The following SLC35A1 variants were observed in gnomAD, a reference collection of about 807,000 sequenced individuals.
SLC35A1 encodes the protein CMP-sialic acid transporter.
SLC35A1 carries 21 observed loss-of-function variants against 40.3 expected under a neutral mutation model. The observed-to-expected ratio is 0.52, with a 90% confidence interval of 0.37 to 0.75. SLC35A1 has a LOEUF of 0.75. Ranked by LOEUF, SLC35A1 falls within the 30% of genes least tolerant of loss-of-function variation. SLC35A1 has a pLI of 0.00. For missense variants in SLC35A1, 297 were observed against 382.1 expected, an observed-to-expected ratio of 0.78 and a Z score of 1.86; for synonymous variants, 146 against 147.3, an observed-to-expected ratio of 0.99 and a Z score of 0.06.
chr6:87,496,164 CAG>C (rs1344268964), intron 2 of SLC35A1: 1 of 152,080 alleles, frequency 6.6e-6, no homozygotes, highest in African/African-American at 2.4e-5. Context: ...TTTGACCAAA[CAG>C]AGGTCAGAAA....
chr6:87,502,605 T>A (rs191945446), intron 4 of SLC35A1, among the ~76,000 whole-genome samples: 1 of 152,216 alleles, frequency 6.6e-6, no homozygotes, highest in East Asian at 1.9e-4. Context: ...TACCTAAACA[T>A]AGAAAAGGCA....
At chr6:87,480,965 C>T (rs180794181) in intron 2 of SLC35A1, among the ~76,000 whole-genome samples, 15 of 152,220 alleles carry the variant, frequency 9.9e-5, no homozygotes, top group African/African-American at 2.9e-4. Flanking sequence ...TTCCTTCTTT[C>T]TACCCTTTGA....
At chr6:87,508,618 G>A (rs202091733) in intron 6 of SLC35A1, 22 bp downstream of exon 6, 229 of 1,586,876 alleles carry the variant, frequency 1.4e-4, no homozygotes, top group Non-Finnish European at 1.8e-4. Flanking sequence ...GGAATTAAAG[G>A]TTCTTAGTAG....
intron 2 of SLC35A1, among the ~76,000 whole-genome samples, chr6:87,495,423 A>G (rs1399733706): frequency 6.6e-6 from 1 of 152,220 alleles, no homozygotes; most frequent in Non-Finnish European, 1.5e-5. Context: ...AAATTATTCT[A>G]CTGTTTCATA....
chr6:87,501,180 C>T lies in SLC35A1; in HGVS notation c.377C>T (p.Pro126Leu), dbSNP rs746723708. 56 of 1,613,454 alleles carry T rather than the reference C, an allele frequency of 3.5e-5. No homozygotes were observed. The highest frequency in any genetic ancestry group is 4.5e-5 in the Non-Finnish European group (53 of 1,179,786). ...TAGGTGACCTACCAGTTGAAGATTC[C>T]GTGTACTGCTTTATGCACTGTTTTA... ...VYQVTYQLKI[P>L]CTALCTVLML... Residue 126 changes from proline (P) to leucine (L), a missense_variant, in exon 4 of 8, where the codon CCG (proline) becomes CTG (leucine). Transcript: ENST00000369552.
Position 87,511,669 on chromosome 6 carries a change from C to A in SLC35A1, c.*143C>A. The A allele has an allele frequency of 1.1e-6, 1 of 896,674 alleles. No homozygotes were observed. The highest frequency in any genetic ancestry group is 1.8e-6 in the Non-Finnish European group (1 of 542,420). The allele number at this position is 896,674 out of a possible 1,614,324, so 55.5% of individuals were successfully genotyped here. On this transcript the variant is annotated 3_prime_UTR_variant, in exon 8 of 8. Coordinates refer to ENST00000369552, the MANE Select transcript of SLC35A1 (RefSeq NM_006416.5). The stretch of plus-strand genomic sequence containing the variant: ...GCGGTTATGTGGAAACAACAACAAA[C>A]AAACGAAGCTATCTGAGTGAACTGC...
In SLC35A1 at chr6:87,509,034, A is replaced by G. The variant is rs896891254; in HGVS notation, c.752-7A>G. ...GTGATAAGATTTTATTTCTCTCTGTATACAAGTTCTTGCAAGTGTTGGTGG... is the reference window on the plus strand; with the variant it reads ...GTGATAAGATTTTATTTCTCTCTGTGTACAAGTTCTTGCAAGTGTTGGTGG... On this transcript the variant is annotated splice_polypyrimidine_tract_variant and splice_region_variant and intron_variant, in intron 6 of 7. Transcript: ENST00000369552. 8.7e-6 allele frequency: 14 copies of G among 1,613,888 alleles called. No homozygotes were observed. The Admixed American group carries it at 1.8e-4, about 21-fold the overall frequency.
intron 2 of SLC35A1, among the ~76,000 whole-genome samples, chr6:87,493,262 G>A (rs932369332): frequency 2.6e-5 from 4 of 152,030 alleles, no homozygotes; most frequent in Middle Eastern, 3.2e-3. Flanking sequence ...GGCTTTTCTT[G>A]TACTTTCCCT....
intron 2 of SLC35A1, among the ~76,000 whole-genome samples, chr6:87,491,795 G>C (rs1769559241): frequency 6.6e-6 from 1 of 152,166 alleles, no homozygotes; most frequent in Non-Finnish European, 1.5e-5. Flanking sequence ...ATCTTCATGT[G>C]ATGGAGAGAG....
chr6:87,490,093 G>A (rs1490811226), intron 2 of SLC35A1, among the ~76,000 whole-genome samples: 3 of 151,720 alleles, frequency 2.0e-5, no homozygotes, highest in African/African-American at 7.3e-5. Context: ...GCTGGGTGTG[G>A]TGGTGTGCAC....
At position 87,511,569 on chromosome 6, in the gene SLC35A1, C is replaced by T; in HGVS notation, c.*43C>T. On this transcript the variant is annotated 3_prime_UTR_variant, in exon 8 of 8. Coordinates refer to ENST00000369552, the MANE Select transcript of SLC35A1 (RefSeq NM_006416.5). Reference sequence around the variant, plus strand: ...ACTCCTTTTAAGACTAAACCATTTGCATTAAACTAGAGCCTTAAGTCAATC... The same window carrying T: ...ACTCCTTTTAAGACTAAACCATTTGTATTAAACTAGAGCCTTAAGTCAATC... 6.2e-7 allele frequency: 1 copy of T among 1,601,012 alleles called. No individual in the cohort carries two copies. Among genetic ancestry groups the T allele is most frequent in the Non-Finnish European group, 8.6e-7 (1 of 1,168,596 alleles).
intron 2 of SLC35A1, among the ~76,000 whole-genome samples, chr6:87,499,317 T>A (rs1171420318): frequency 6.6e-6 from 1 of 152,372 alleles, no homozygotes; most frequent in East Asian, 1.9e-4. Flanking sequence ...TATCAAACTT[T>A]GAGTTGGAAC....
chr6:87,477,270 T>A, intron 1 of SLC35A1, 92 bp from the exon 2 acceptor site: 1 of 1,192,280 alleles, frequency 8.4e-7, no homozygotes, highest in Non-Finnish European at 1.2e-6. Flanking sequence ...GTGCTTGGAA[T>A]TGGAAAGTAT....
chr6:87,508,341 A>G, intron 5 of SLC35A1, 79 bp from the exon 6 acceptor site: 1 of 914,114 alleles, frequency 1.1e-6, no homozygotes, highest in Non-Finnish European at 1.7e-6. Flanking sequence ...ATATATCTCT[A>G]GGGTATTGTT....
chr6:87,496,403 A>G (rs1769726558), intron 2 of SLC35A1, among the ~76,000 whole-genome samples: 1 of 152,198 alleles, frequency 6.6e-6, no homozygotes, highest in African/African-American at 2.4e-5. Flanking sequence ...CTTTTGTCCT[A>G]GCTAGCAGTG....
At chr6:87,506,295 AACAGGT>A (rs1770080230) in intron 4 of SLC35A1, 81 bp from the exon 5 acceptor site, 2 of 1,011,300 alleles carry the variant, frequency 2.0e-6, no homozygotes, top group Non-Finnish European at 3.2e-6. Context: ...GTAAGACTGT[AACAGGT>A]TTTTGTATTT....
intron 2 of SLC35A1, among the ~76,000 whole-genome samples, chr6:87,485,666 G>A (rs1216122642): frequency 6.6e-6 from 1 of 152,114 alleles, no homozygotes; most frequent in African/African-American, 2.4e-5. Context: ...GGGAGGCTAA[G>A]GTGGGAGGAT....
chr6:87,496,785 A>G (rs1769739977), intron 2 of SLC35A1, among the ~76,000 whole-genome samples: 4 of 141,618 alleles, frequency 2.8e-5, no homozygotes, highest in African/African-American at 1.1e-4. Context: ...ATCTCAAAAA[A>G]AAAAAAAAAG....
At chr6:87,488,280 A>G (rs1321743421) in intron 2 of SLC35A1, among the ~76,000 whole-genome samples, 1 of 152,220 alleles carries the variant, frequency 6.6e-6, no homozygotes, top group African/African-American at 2.4e-5. Flanking sequence ...ATGATCGTGT[A>G]AAAACAATCT....
Sources: allele counts gnomAD v4.1 joint callset (sites outside exome capture counted in the v4.1 genomes callset), GRCh38; gene constraint gnomAD v4.1.1; transcripts MANE v1.5; gene names NCBI Gene and HGNC (gene_info 2026-07-23, HGNC 2026-07-21).